Variants in AMZ1 observed in about 807,000 individuals in gnomAD.
The protein encoded by AMZ1 is archaemetzincin-1.
A neutral mutation model predicts 29.9 loss-of-function variants in AMZ1; 39 were observed. The ratio of observed to expected loss-of-function variants is 1.30; its 90% CI spans 1.01 to 1.70. AMZ1 has a LOEUF of 1.70. Ranked by LOEUF, AMZ1 falls within the 40% of genes most tolerant of loss-of-function variation. The pLI is 0.00. For missense variants in AMZ1, 1,041 were observed against 680.6 expected (o/e 1.53, Z -5.89); for synonymous variants, 458 against 304.0 (o/e 1.51, Z -5.27).
At chr7:2,689,327 G>C (rs1026888208) in intron 1 of AMZ1, among the ~76,000 whole-genome samples, 93 of 152,228 alleles carry the variant, frequency 6.1e-4, no homozygotes, top group Non-Finnish European at 3.1e-4. Flanking sequence ...TGGTTACTGG[G>C]CCAGTCTGGC....
intron 1 of AMZ1, among the ~76,000 whole-genome samples, chr7:2,690,446 C>G (rs1787320090): frequency 1.3e-5 from 2 of 152,290 alleles, no homozygotes; most frequent in South Asian, 2.1e-4. Flanking sequence ...GTCTCAAACT[C>G]CTGGACTCAA....
intron 4 of AMZ1, among the ~76,000 whole-genome samples, chr7:2,732,191 C>T (rs1400718862): frequency 6.6e-6 from 1 of 152,126 alleles, no homozygotes; most frequent in African/African-American, 2.4e-5. Context: ...TATTCTTAGA[C>T]AATTCTTTAA....
chr7:2,709,927 T>G, intron 6 of AMZ1, 111 bp downstream of exon 6: 1 of 1,459,114 alleles, frequency 6.9e-7, no homozygotes, highest in Non-Finnish European at 9.3e-7. Context: ...CTTTGTCAAC[T>G]GCCGGGTTCC....
At chr7:2,755,679 C>A (rs1324130731) in intron 4 of AMZ1, among the ~76,000 whole-genome samples, 1 of 152,218 alleles carries the variant, frequency 6.6e-6, no homozygotes, top group African/African-American at 2.4e-5. Context: ...CATCTGCCAA[C>A]AGGAACAGTC....
Position 2,697,078 on chromosome 7 carries a change from G to C in AMZ1, c.-218-3156G>C, listed in dbSNP as rs114755428. Among the ~76,000 whole-genome samples, 555 of 152,206 alleles carry C rather than the reference G, an allele frequency of 3.6e-3. 2 individuals are homozygous for C. The highest frequency in any genetic ancestry group is 0.012 in the African/African-American group (505 of 41,528). On this transcript the variant is annotated intron_variant, in intron 1 of 6. Transcript: ENST00000683327. Reference sequence around the variant, plus strand: ...CAAAGATGTTCATTACGGCGTTTTTGGGCAGTGGTTGAAAGTAGCATTTTA... The same window carrying C: ...CAAAGATGTTCATTACGGCGTTTTTCGGCAGTGGTTGAAAGTAGCATTTTA...
chr7:2,680,506 C>T (rs938790449), intron 1 of AMZ1, among the ~76,000 whole-genome samples: 2 of 152,164 alleles, frequency 1.3e-5, no homozygotes, highest in African/African-American at 4.8e-5. Context: ...CTTGGCACCC[C>T]AGCTTTCCTT....
intron 4 of AMZ1, among the ~76,000 whole-genome samples, chr7:2,757,932 G>C (rs971318156): frequency 2.0e-5 from 3 of 152,130 alleles, no homozygotes. Flanking sequence ...CCCCACATCA[G>C]AATAGCAATA....
chr7:2,762,961 C>A, upstream of AMZ1: 3 of 1,359,436 alleles, frequency 2.2e-6, no homozygotes, highest in Non-Finnish European at 2.8e-6. Flanking sequence ...GTGCCAGGGT[C>A]TCCTGCTCCT....
At chr7:2,696,809 C>T (rs902734182) in intron 1 of AMZ1, among the ~76,000 whole-genome samples, 2 of 152,148 alleles carry the variant, frequency 1.3e-5, no homozygotes, top group East Asian at 2.0e-4. Context: ...TCGCTTGAAC[C>T]CAGAAAGTGG....
At chr7:2,700,179 A>C in intron 1 of AMZ1, 55 bp from the exon 2 acceptor site, 1 of 493,936 alleles carries the variant, frequency 2.0e-6, no homozygotes, top group Non-Finnish European at 3.7e-6. Flanking sequence ...CTTGCCTGGG[A>C]CATCGGGCCC....
chr7:2,681,142 C>G (rs115028953), intron 1 of AMZ1, among the ~76,000 whole-genome samples: 2 of 152,228 alleles, frequency 1.3e-5, no homozygotes. Context: ...CATGGCTGAG[C>G]TCGGTGCCAC....
chr7:2,741,348 C>T (rs948004517), intron 4 of AMZ1, among the ~76,000 whole-genome samples: 3 of 152,092 alleles, frequency 2.0e-5, no homozygotes, highest in African/African-American at 7.2e-5. Flanking sequence ...GAGTGAGACA[C>T]TGTCTCTTAA....
upstream of AMZ1, chr7:2,762,922 G>C: frequency 7.1e-7 from 1 of 1,409,780 alleles, no homozygotes; most frequent in Non-Finnish European, 9.3e-7. Flanking sequence ...GCCACAGGCG[G>C]GGACGCCCCA....
At position 2,712,577 on chromosome 7, in the gene AMZ1, G is replaced by T. The variant is rs113225885; in HGVS notation, c.1196G>T (p.Gly399Val). ...TCAGAGGCTCCGCTGCCACCTGGGG[G>T]CCCTGCGGAGGCCATCAAGGAGCAT... ...AASEAPLPPG[G>V]PAEAIKEHER... Residue 399 changes from glycine (G) to valine (V), a missense_variant, in exon 7 of 7, where the codon GGC (glycine) becomes GTC (valine). Gly to Val is a moderately radical substitution (Grantham distance 109). Coordinates refer to ENST00000683327, the MANE Select transcript of AMZ1 (RefSeq NM_001384743.1). 3 of 1,611,634 alleles carry T rather than the reference G, an allele frequency of 1.9e-6. No individual in the cohort carries two copies. The highest frequency in any genetic ancestry group is 1.1e-5 in the South Asian group (1 of 90,912).
intron 1 of AMZ1, among the ~76,000 whole-genome samples, chr7:2,696,257 ATTTT>A (rs527280174): frequency 1.6e-5 from 2 of 122,052 alleles, no homozygotes; most frequent in Non-Finnish European, 3.3e-5. Context: ...CTTGATAGTC[ATTTT>A]TTTTTTTTTT....
chr7:2,711,219 G>C (rs1583177830), intron 6 of AMZ1, among the ~76,000 whole-genome samples: 1 of 152,190 alleles, frequency 6.6e-6, no homozygotes, highest in Non-Finnish European at 1.5e-5. Context: ...GGCTGTTGTA[G>C]GGAGGGCAGT....
chr7:2,681,337 C>T (rs923585498), intron 1 of AMZ1, among the ~76,000 whole-genome samples: 1 of 152,102 alleles, frequency 6.6e-6, no homozygotes, highest in South Asian at 2.1e-4. Flanking sequence ...GATCCTCCCA[C>T]CTCAGCCTCC....
At chr7:2,741,151 G>A (rs147669894) in intron 4 of AMZ1, among the ~76,000 whole-genome samples, 3 of 152,326 alleles carry the variant, frequency 2.0e-5, no homozygotes, top group African/African-American at 7.2e-5. Flanking sequence ...GAGCTAGAAA[G>A]AAATTTTACA....
intron 4 of AMZ1, among the ~76,000 whole-genome samples, chr7:2,756,280 G>A (rs17339470): frequency 0.19 from 29,605 of 152,006 alleles, 2,962 homozygotes; most frequent in Middle Eastern, 0.22. Flanking sequence ...TGGAGGATCA[G>A]AAAATCAAAA....
Sources: allele counts gnomAD v4.1 joint callset (sites outside exome capture counted in the v4.1 genomes callset), GRCh38; gene constraint gnomAD v4.1.1; transcripts MANE v1.5; gene names NCBI Gene and HGNC (gene_info 2026-07-23, HGNC 2026-07-21).